DENND4C: variants seen among roughly 807,000 people sequenced by gnomAD.
The protein encoded by DENND4C is DENN domain-containing protein 4C.
A neutral mutation model predicts 203.0 loss-of-function variants in DENND4C; 108 were observed. That is an observed-to-expected ratio of 0.53 (90% CI 0.46 to 0.62). DENND4C has a LOEUF of 0.62. Ranked by LOEUF, DENND4C falls within the 20% of genes least tolerant of loss-of-function variation. The pLI is 0.00. For missense variants in DENND4C, 2,481 were observed against 2,301.2 expected, an observed-to-expected ratio of 1.08 and a Z score of -1.60; for synonymous variants, 871 against 792.4, an observed-to-expected ratio of 1.10 and a Z score of -1.67.
chr9:19,260,766 T>C (rs1369288978), intron 1 of DENND4C, among the ~76,000 whole-genome samples: 1 of 152,210 alleles, frequency 6.6e-6, no homozygotes, highest in Non-Finnish European at 1.5e-5. Context: ...GTAGGTTGTC[T>C]CTTCACTTTG....
intron 1 of DENND4C, among the ~76,000 whole-genome samples, chr9:19,253,522 ATGGTAGTTAC>A (rs961315779): frequency 6.6e-6 from 1 of 152,216 alleles, no homozygotes; most frequent in African/African-American, 2.4e-5. Context: ...ATGCTTTCTA[ATGGTAGTTAC>A]CAAGCCCCTA....
intron 1 of DENND4C, among the ~76,000 whole-genome samples, chr9:19,235,212 G>A (rs201108035): frequency 7.9e-5 from 12 of 151,186 alleles, no homozygotes; most frequent in Admixed American, 3.9e-4. Flanking sequence ...TGATCCATCC[G>A]CCTCGGCCTC....
chr9:19,258,099 C>T (rs1828428632), intron 1 of DENND4C, among the ~76,000 whole-genome samples: 1 of 150,272 alleles, frequency 6.7e-6, no homozygotes, highest in Non-Finnish European at 1.5e-5. Context: ...GCCTGGGCAA[C>T]AGAGTAAGAC....
intron 1 of DENND4C, among the ~76,000 whole-genome samples, chr9:19,234,834 G>A (rs1190773737): frequency 6.6e-6 from 1 of 151,642 alleles, no homozygotes; most frequent in African/African-American, 2.4e-5. Context: ...GAGCCACTTT[G>A]TCTGACCCAT....
At chr9:19,249,557 C>G (rs1053266906) in intron 1 of DENND4C, among the ~76,000 whole-genome samples, 1 of 151,940 alleles carries the variant, frequency 6.6e-6, no homozygotes, top group African/African-American at 2.4e-5. Flanking sequence ...CGCCTGGCCA[C>G]CAGTAGTAAT....
chr9:19,317,737 TA>T (rs1842089435), intron 12 of DENND4C, among the ~76,000 whole-genome samples: 1 of 152,164 alleles, frequency 6.6e-6, no homozygotes, highest in South Asian at 2.1e-4. Flanking sequence ...GGAAAATAAT[TA>T]AGATATTTTA....
Position 19,352,121 on chromosome 9 carries a change from C to T in DENND4C, c.4544C>T (p.Ser1515Leu). 2 of 1,613,838 alleles carry T rather than the reference C, an allele frequency of 1.2e-6. No individual in the cohort carries two copies. The highest frequency in any genetic ancestry group is 2.2e-5 in the East Asian group (1 of 44,796). The change falls in exon 25 of 33, where the codon TCA (serine) becomes TTA (leucine). Residue 1515 changes from serine to leucine, a missense_variant. Physicochemically the swap from Ser to Leu is moderately radical, Grantham distance 145. Around this residue, in one of 3 missense-constraint regions of DENND4C, gnomAD observed 2,289 missense variants for 2,113.3 expected, o/e 1.08. Coordinates refer to ENST00000434457, the MANE Select transcript of DENND4C (RefSeq NM_001330640.2). ...ATGAAAGGGCAAGACTTTGAAAAAT[C>T]AGATCATGGTTCTTCTCAAAATACC... is the stretch of plus-strand genomic sequence containing the variant. The part of the protein sequence containing the change: ...RGMKGQDFEK[S>L]DHGSSQNTSM...
At chr9:19,305,570 A>T in intron 10 of DENND4C, 43 bp downstream of exon 10, 2 of 1,554,694 alleles carry the variant, frequency 1.3e-6, no homozygotes, top group Non-Finnish European at 1.7e-6. Flanking sequence ...TATATTTTTC[A>T]CTATGTAGAG....
intron 1 of DENND4C, among the ~76,000 whole-genome samples, chr9:19,273,151 A>G (rs1224941168): frequency 6.6e-6 from 1 of 151,466 alleles, no homozygotes; most frequent in Non-Finnish European, 1.5e-5. Flanking sequence ...ACAGAGTTTC[A>G]CTAGGTTAGC....
chr9:19,300,189 G>A lies in DENND4C; in HGVS notation c.1169G>A (p.Gly390Glu). Residue 390 changes from glycine (G) to glutamate (E), a missense_variant and splice_region_variant, in exon 9 of 33, where the codon GGA (glycine) becomes GAA (glutamate). Physicochemically the swap from Gly to Glu is moderately conservative, Grantham distance 98. Around this residue, in one of 3 missense-constraint regions of DENND4C, gnomAD observed 2,289 missense variants for 2,113.3 expected, o/e 1.08. Coordinates refer to ENST00000434457, the MANE Select transcript of DENND4C (RefSeq NM_001330640.2). Reference sequence around the variant, plus strand: ...ACTTTTCTCTTTTTTTTCCCTAGTGGAGCCAACTTTAGCACCTTGCTAATG... The same window carrying A: ...ACTTTTCTCTTTTTTTTCCCTAGTGAAGCCAACTTTAGCACCTTGCTAATG... ...QPVSTPLPLS[G>E]ANFSTLLMNL... is the part of the protein sequence containing the mutation. The A allele has an allele frequency of 1.3e-6, 2 of 1,588,934 alleles. No homozygotes were observed. The highest frequency in any genetic ancestry group is 1.7e-6 in the Non-Finnish European group (2 of 1,163,588).
chr9:19,371,698 T>A (rs760683695), intron 31 of DENND4C, 58 bp from the exon 32 acceptor site: 72 of 860,316 alleles, frequency 8.4e-5, no homozygotes, highest in Non-Finnish European at 1.2e-4. Context: ...TTAAAAAAAA[T>A]GCATCTGTGT....
chr9:19,259,498 C>G (rs371392329), intron 1 of DENND4C, among the ~76,000 whole-genome samples: 1 of 139,446 alleles, frequency 7.2e-6, no homozygotes, highest in Non-Finnish European at 1.6e-5. Context: ...ATTTTCTTTT[C>G]TTTTTTCTTT....
chr9:19,315,614 C>T (rs1841689121), intron 10 of DENND4C, among the ~76,000 whole-genome samples: 1 of 150,494 alleles, frequency 6.6e-6, no homozygotes, highest in Non-Finnish European at 1.5e-5. Flanking sequence ...TATATACACA[C>T]ACACATATAT....
chr9:19,300,412 A>C (rs1838316873), intron 9 of DENND4C, 81 bp downstream of exon 9: 1 of 1,285,568 alleles, frequency 7.8e-7, no homozygotes, highest in South Asian at 2.4e-5. Flanking sequence ...AAAAACAGCA[A>C]CTTTGTAAAC....
chr9:19,346,647 G>A lies in DENND4C; in HGVS notation c.3878G>A (p.Ser1293Asn), dbSNP rs1312047580. 1 of 1,613,944 alleles carries A rather than the reference G, an allele frequency of 6.2e-7. No individual in the cohort carries two copies. The highest frequency in any genetic ancestry group is 1.3e-5 in the African/African-American group (1 of 74,888). Residue 1293 changes from serine (S) to asparagine (N), a missense_variant, in exon 23 of 33, where the codon AGT (serine) becomes AAT (asparagine). Physicochemically the swap from Ser to Asn is conservative, Grantham distance 46. Transcript: ENST00000434457. ...ATAGAAAGCTATATGAACCTAAAAA[G>A]TCCCCTAGGTAGTAAATCTTCTAGT... ...DEIESYMNLK[S>N]PLGSKSSSME...
rs762430109 is a variant in DENND4C at position 19,298,013 on chromosome 9, T to C, written c.1041-43T>C. On this transcript the variant is annotated intron_variant, in intron 6 of 32. Coordinates refer to ENST00000434457, the MANE Select transcript of DENND4C (RefSeq NM_001330640.2). ...GATTTGTTAAAAACTGTGATGCATT[T>C]AGAAAAGTAATTATTATATTTATTT... 1.2e-5 allele frequency: 18 copies of C among 1,466,364 alleles called. No homozygotes were observed. In the South Asian group the frequency reaches 2.2e-4, roughly 18 times the overall value. The allele number at this position is 1,466,364 out of a possible 1,614,324, so 90.8% of individuals were successfully genotyped here.
At position 19,346,285 on chromosome 9, in the gene DENND4C, C is replaced by T. The variant is rs755603440; in HGVS notation, c.3516C>T (p.His1172=). The T allele has an allele frequency of 1.2e-6, 2 of 1,614,150 alleles. No individual in the cohort carries two copies. Among genetic ancestry groups the T allele is most frequent in the Non-Finnish European group, 8.5e-7 (1 of 1,180,028 alleles). Residue 1172 remains histidine (H), a synonymous_variant, in exon 23 of 33, where the codon CAC becomes CAT. Transcript: ENST00000434457. The stretch of plus-strand genomic sequence containing the variant: ...CTGAAAGCACTTGGAATCCTGAGCA[C>T]AGATCATCTCCGGTGCCAGAGATGC... ...CMSESTWNPE[H]RSSPVPEMLE...
intron 1 of DENND4C, among the ~76,000 whole-genome samples, chr9:19,248,534 C>T (rs1355102137): frequency 6.6e-6 from 1 of 152,004 alleles, no homozygotes; most frequent in Non-Finnish European, 1.5e-5. Context: ...GGATTACAGG[C>T]ATGCGCCGCC....
intron 2 of DENND4C, among the ~76,000 whole-genome samples, chr9:19,277,911 A>G (rs1269011544): frequency 2.0e-5 from 3 of 152,064 alleles, no homozygotes; most frequent in Non-Finnish European, 4.4e-5. Context: ...TGAGATGATC[A>G]TGTATTTTTT....
Sources: allele counts gnomAD v4.1 joint callset (sites outside exome capture counted in the v4.1 genomes callset), GRCh38; gene constraint gnomAD v4.1.1; regional missense constraint gnomAD v4.1.1; transcripts MANE v1.5; gene names NCBI Gene and HGNC (gene_info 2026-07-23, HGNC 2026-07-21).